Variants in LCORL observed in about 807,000 individuals in gnomAD.
LCORL encodes the protein ligand dependent nuclear receptor corepressor like.
Under a neutral mutation model 141.8 loss-of-function variants are expected in LCORL, and 41 were observed. That is an observed-to-expected ratio of 0.29 (90% confidence interval 0.23 to 0.38). The LOEUF (loss-of-function observed/expected upper bound fraction) is 0.38, where lower values mean the gene tolerates loss of function less well. Ranked by LOEUF, LCORL falls within the 10% of genes least tolerant of loss-of-function variation. LCORL has a pLI of 1.00. For missense variants in LCORL, 1,759 were observed against 2,035.0 expected (o/e 0.86, Z 2.61); for synonymous variants, 618 against 694.1 (o/e 0.89, Z 1.72).
At chr4:17,875,337 C>T (rs969398332) in exon 7 of LCORL, 8 of 1,231,254 alleles carry the variant, frequency 6.5e-6, no homozygotes, top group Non-Finnish European at 7.1e-6. Context: ...CTTGATGGGT[C>T]TCACATATTC....
exon 8 of LCORL, chr4:17,843,548 C>A (rs1722635876): frequency 1.8e-6 from 2 of 1,097,858 alleles, no homozygotes; most frequent in African/African-American, 1.6e-5. Context: ...CTGCTGTGCG[C>A]TTCCACGTTA....
At chr4:17,885,237 C>A (rs1210939001) in intron 6 of LCORL, among the ~76,000 whole-genome samples, 1 of 151,824 alleles carries the variant, frequency 6.6e-6, no homozygotes, top group East Asian at 1.9e-4. Context: ...TCCCATATTT[C>A]CACAAGACTA....
At chr4:17,845,215 T>C (rs1722796182) in exon 8 of LCORL, 1 of 152,548 alleles carries the variant, frequency 6.6e-6, no homozygotes. Context: ...AACATGCTAC[T>C]TGACAAAAAG....
At chr4:17,945,529 T>C (rs542149537) in intron 4 of LCORL, among the ~76,000 whole-genome samples, 17 of 152,096 alleles carry the variant, frequency 1.1e-4, no homozygotes, top group South Asian at 4.1e-4. Flanking sequence ...TTTCTCCCTT[T>C]CCAAGTAAAG....
At chr4:17,909,285 A>G in exon 5 of LCORL, 1 of 1,610,788 alleles carries the variant, frequency 6.2e-7, no homozygotes, top group Non-Finnish European at 8.5e-7. Context: ...TTGACGTATC[A>G]TCTTTTTCAT....
chr4:17,937,658 A>ACCAGAAGGTTCC (rs1221498501), intron 4 of LCORL, among the ~76,000 whole-genome samples: 2 of 152,216 alleles, frequency 1.3e-5, no homozygotes, highest in Non-Finnish European at 2.9e-5. Context: ...TAGTTAGAAC[A>ACCAGAAGGTTCC]CCAGAAGGGA....
intron 4 of LCORL, 67 bp from the exon 5 acceptor site, chr4:17,909,412 A>G (rs528348649): frequency 8.5e-7 from 1 of 1,179,130 alleles, no homozygotes; most frequent in African/African-American, 1.6e-5. Context: ...ATTTAAATTT[A>G]TTTTTATTAC....
At chr4:17,916,478 C>A (rs1733435897) in intron 4 of LCORL, among the ~76,000 whole-genome samples, 1 of 151,900 alleles carries the variant, frequency 6.6e-6, no homozygotes, top group South Asian at 2.1e-4. Context: ...AGTCTGGGAC[C>A]TCCTCTCTCT....
chr4:17,878,347 C>T (rs141802316), intron 6 of LCORL, 134 bp from the exon 7 acceptor site: 11 of 475,346 alleles, frequency 2.3e-5, no homozygotes, highest in East Asian at 3.5e-5. Context: ...GCAATAATGG[C>T]ATTTTGATTA....
intron 4 of LCORL, among the ~76,000 whole-genome samples, chr4:17,944,494 C>T (rs2109497558): frequency 6.6e-6 from 1 of 152,120 alleles, no homozygotes; most frequent in East Asian, 1.9e-4. Flanking sequence ...TTGTTGTTTA[C>T]TTTGTTGCTC....
Position 17,951,003 on chromosome 4 carries a change from GT to G in LCORL, c.430+10899del, listed in dbSNP as rs1434579007. 2.4e-4 allele frequency among the ~76,000 whole-genome samples: 36 copies of G among 152,136 alleles called. 1 individual carries two copies. The highest frequency in any genetic ancestry group is 2.4e-3 in the Admixed American group (36 of 15,274). On this transcript the variant is annotated intron_variant, in intron 4 of 7. Transcript: ENST00000635767. ...TCCAGTTGGTTTGTCTATGGCTTCA[GT>G]TGATGGTTCAGAGCTACTTCCATGG... is the stretch of plus-strand genomic sequence containing the variant.
At chr4:17,986,765 T>C (rs1719049267) in intron 1 of LCORL, among the ~76,000 whole-genome samples, 1 of 152,202 alleles carries the variant, frequency 6.6e-6, no homozygotes, top group Non-Finnish European at 1.5e-5. Flanking sequence ...TGAATTCCAT[T>C]ATTGCTATTT....
chr4:17,893,287 T>C (rs1282399379), intron 5 of LCORL: 9 of 696,206 alleles, frequency 1.3e-5, no homozygotes, highest in Middle Eastern at 7.2e-4. Context: ...AAAATTAAGA[T>C]TGAGTTTAAA....
exon 7 of LCORL, chr4:17,878,093 T>C (rs1178896273): frequency 8.1e-7 from 1 of 1,230,466 alleles, no homozygotes; most frequent in African/African-American, 1.6e-5. Context: ...GGACTAGAAA[T>C]TTCAACATAG....
At chr4:17,880,068 T>C (rs945006378) in intron 6 of LCORL, among the ~76,000 whole-genome samples, 2 of 151,088 alleles carry the variant, frequency 1.3e-5, no homozygotes, top group Non-Finnish European at 1.5e-5. Context: ...TAGAGTTTTC[T>C]TATTCAATTT....
intron 7 of LCORL, among the ~76,000 whole-genome samples, chr4:17,847,424 C>T (rs748092341): frequency 6.6e-6 from 1 of 152,170 alleles, no homozygotes; most frequent in Non-Finnish European, 1.5e-5. Flanking sequence ...CCGTTATATC[C>T]TGTTTTACCA....
intron 1 of LCORL, among the ~76,000 whole-genome samples, chr4:17,979,203 C>T (rs1004249097): frequency 1.3e-5 from 2 of 152,148 alleles, no homozygotes; most frequent in Admixed American, 1.3e-4. Flanking sequence ...TTAGGCCAAC[C>T]CTGCCTGTGC....
intron 6 of LCORL, chr4:17,882,071 T>A (rs923902602): frequency 1.0e-6 from 1 of 984,096 alleles, no homozygotes; most frequent in South Asian, 4.7e-5. Flanking sequence ...ACCAAATAAC[T>A]GCTTGGTTGT....
intron 5 of LCORL, among the ~76,000 whole-genome samples, chr4:17,894,764 A>C (rs1729633430): frequency 6.6e-6 from 1 of 152,138 alleles, no homozygotes; most frequent in African/African-American, 2.4e-5. Context: ...AACCTGGTAT[A>C]TCTCCTGAAA....
Sources: allele counts gnomAD v4.1 joint callset (sites outside exome capture counted in the v4.1 genomes callset), GRCh38; gene constraint gnomAD v4.1.1; transcripts MANE v1.5; gene names NCBI Gene and HGNC (gene_info 2026-07-23, HGNC 2026-07-21).